The following LOC114841035 variants were observed in gnomAD, a reference collection of about 807,000 sequenced individuals.
At chr11:64,242,160 A>AC in the LOC114841035 span, 3 of 472,090 alleles carry the variant, frequency 6.4e-6, no homozygotes, top group South Asian at 9.8e-5. Context: ...GCCTCCCCTG[A>AC]CCCCCTCCCC....
the LOC114841035 span, chr11:64,243,950 T>C: frequency 6.2e-7 from 1 of 1,613,896 alleles, no homozygotes; most frequent in South Asian, 1.1e-5. Flanking sequence ...GCATTTTGAC[T>C]CCCCTTCTCC....
At chr11:64,243,421 G>C in the LOC114841035 span, 1 of 1,613,784 alleles carries the variant, frequency 6.2e-7, no homozygotes, top group East Asian at 2.2e-5. Flanking sequence ...CCTGGGTGCT[G>C]CCATGGGCTG....
chr11:64,243,981 G>C, the LOC114841035 span: 1 of 1,614,078 alleles, frequency 6.2e-7, no homozygotes, highest in Middle Eastern at 1.6e-4. Context: ...GTGCAACCCT[G>C]GTGTTCGAGG....
the LOC114841035 span, among the ~76,000 whole-genome samples, chr11:64,242,963 T>C: frequency 3.3e-5 from 5 of 152,042 alleles, no homozygotes; most frequent in African/African-American, 1.2e-4. Context: ...TCCCAGCTAC[T>C]TGGGAGGCTG....
the LOC114841035 span, chr11:64,243,841 G>A: frequency 6.2e-7 from 1 of 1,614,124 alleles, no homozygotes; most frequent in Admixed American, 1.7e-5. Flanking sequence ...TCTTCAACAG[G>A]GTATGGAGAG....
chr11:64,242,350 C>G, the LOC114841035 span: 1 of 1,473,574 alleles, frequency 6.8e-7, no homozygotes, highest in Non-Finnish European at 9.0e-7. Flanking sequence ...CCCTCCCCCA[C>G]GTTCAGTCGG....
At chr11:64,241,329 T>A in the LOC114841035 span, 3 of 144,702 alleles carry the variant, frequency 2.1e-5, no homozygotes, top group South Asian at 6.8e-4. Context: ...GTCCTGGGAC[T>A]CGGGGCGGGA....
the LOC114841035 span, chr11:64,244,086 A>C: frequency 1.5e-5 from 24 of 1,568,800 alleles, no homozygotes; most frequent in African/African-American, 5.5e-5. Context: ...CTGTTCCAAA[A>C]AAAAAACAAA....
At chr11:64,242,712 C>CAGTA in the LOC114841035 span, among the ~76,000 whole-genome samples, 2 of 152,204 alleles carry the variant, frequency 1.3e-5, no homozygotes, top group African/African-American at 4.8e-5. Context: ...TTGCCCTTGC[C>CAGTA]TACTGCCCAG....
At chr11:64,242,535 G>A in the LOC114841035 span, 1 of 1,553,214 alleles carries the variant, frequency 6.4e-7, no homozygotes. Flanking sequence ...GCGCAAAGGG[G>A]ATGTCCTGCA....
chr11:64,242,366 C>T, the LOC114841035 span: 3 of 1,492,206 alleles, frequency 2.0e-6, no homozygotes. Context: ...GTCGGTCGGT[C>T]GGGGTCTGTG....
the LOC114841035 span, chr11:64,243,176 C>T: frequency 1.9e-6 from 3 of 1,609,700 alleles, no homozygotes; most frequent in Admixed American, 3.3e-5. Flanking sequence ...CTCTTCCTCA[C>T]TGGCCTTCTC....
At chr11:64,243,475 G>T in the LOC114841035 span, 1 of 1,614,002 alleles carries the variant, frequency 6.2e-7, no homozygotes, top group Non-Finnish European at 8.5e-7. Flanking sequence ...AAAAGCGCAA[G>T]CTGGTGATCC....
At chr11:64,243,843 T>G in the LOC114841035 span, 4 of 1,614,048 alleles carry the variant, frequency 2.5e-6, no homozygotes, top group Non-Finnish European at 3.4e-6. Flanking sequence ...TTCAACAGGG[T>G]ATGGAGAGCG....
At chr11:64,242,038 TA>T in the LOC114841035 span, 1 of 195,454 alleles carries the variant, frequency 5.1e-6, no homozygotes, top group Non-Finnish European at 1.0e-5. Flanking sequence ...TGCAGCCAGA[TA>T]GGGTCTGGAC....
the LOC114841035 span, chr11:64,242,341 CCT>C: frequency 6.8e-7 from 1 of 1,467,104 alleles, no homozygotes; most frequent in Non-Finnish European, 9.0e-7. Context: ...CTCTCCCTGC[CCT>C]CCCCCACGTT....
At chr11:64,243,363 C>T in the LOC114841035 span, 1 of 1,602,484 alleles carries the variant, frequency 6.2e-7, no homozygotes, top group African/African-American at 1.3e-5. Context: ...GGCCACCGCC[C>T]AGGAGGTAAG....
the LOC114841035 span, chr11:64,242,573 C>T: frequency 1.3e-6 from 2 of 1,519,490 alleles, no homozygotes; most frequent in Non-Finnish European, 8.8e-7. Context: ...GTGGGTTGGG[C>T]GGGCCTTTTG....
At chr11:64,243,898 C>G in the LOC114841035 span, 36 of 1,613,928 alleles carry the variant, frequency 2.2e-5, no homozygotes, top group African/African-American at 2.9e-4. Flanking sequence ...TTTGATACCT[C>G]CCATCACCTG....
Sources: gnomAD v4.1 joint callset for allele counts (sites outside exome capture counted in the v4.1 genomes callset) on GRCh38, gnomAD v4.1.1 for gene constraint, MANE v1.5 for transcripts.